The following PJA2 variants were observed in gnomAD, a reference collection of about 807,000 sequenced individuals.
PJA2 encodes E3 ubiquitin-protein ligase Praja-2.
A neutral mutation model predicts 69.3 loss-of-function variants in PJA2; 25 were observed. That is an observed-to-expected ratio of 0.36 (90% CI 0.26 to 0.50). The LOEUF is 0.50. Ranked by LOEUF, PJA2 falls within the 20% of genes least tolerant of loss-of-function variation. The probability of loss-of-function intolerance (pLI) is 0.96; values close to 1 mark genes in which losing one functional copy is unlikely to be tolerated. For synonymous variants in PJA2, 308 were observed against 277.8 expected, an observed-to-expected ratio of 1.11 and a Z score of -1.08; for missense variants, 809 against 830.2, an observed-to-expected ratio of 0.97 and a Z score of 0.31.
Position 109,344,573 on chromosome 5 carries a change from G to C in PJA2, c.1879+132C>G. On this transcript the variant is annotated intron_variant, in intron 8 of 9. Transcript: ENST00000361189. The stretch of plus-strand genomic sequence containing the variant: ...ATTCTTGTACTAGGTGAAAGTTTGT[G>C]AGCATCTGGTTTCTATAAAAAAAAT... 8.9e-6 allele frequency: 6 copies of C among 677,704 alleles called. 1 individual carries two copies. The South Asian group carries it at 1.4e-4, about 15-fold the overall frequency. 42.0% of individuals were successfully genotyped at this position (677,704 alleles called of 1,614,324 possible). A position where few individuals can be genotyped will look rare whatever the true frequency, so the allele number is the denominator to read the frequency against.
In PJA2 at chr5:109,378,803, A is replaced by T. The variant is rs763425702; in HGVS notation, c.684T>A (p.Asp228Glu). ...GTACAGAATCTAACTCTTCAAACTC[A>T]TCTCTTACTTCACAGTTAAATGAGG... ...PVPSFNCEVR[D>E]EFEELDSVPL... The change falls in exon 4 of 10, where the codon GAT becomes GAA. Residue 228 changes from aspartate to glutamate, a missense_variant. Coordinates refer to ENST00000361189, the MANE Select transcript of PJA2 (RefSeq NM_014819.5). 1 of 1,613,146 alleles carries T rather than the reference A, an allele frequency of 6.2e-7. No homozygotes were observed. The highest frequency in any genetic ancestry group is 2.2e-5 in the East Asian group (1 of 44,876).
chr5:109,383,012 T>C (rs1747085736), intron 2 of PJA2, among the ~76,000 whole-genome samples: 1 of 152,232 alleles, frequency 6.6e-6, no homozygotes, highest in Non-Finnish European at 1.5e-5. Context: ...GTTACACTTA[T>C]TTAATCCCAT....
intron 7 of PJA2, among the ~76,000 whole-genome samples, chr5:109,346,600 C>A (rs1762175819): frequency 6.6e-6 from 1 of 152,222 alleles, no homozygotes; most frequent in South Asian, 2.1e-4. Context: ...AATTCTAACA[C>A]ATGCCACGAC....
At chr5:109,362,771 T>A (rs190127455) in intron 6 of PJA2, 69 bp downstream of exon 6, 474 of 1,405,042 alleles carry the variant, frequency 3.4e-4, no homozygotes, top group Middle Eastern at 7.4e-4. Context: ...AGCAGAGATT[T>A]AATTTTCATA....
At position 109,354,141 on chromosome 5, in the gene PJA2, T is replaced by C. The variant is rs1439870917; in HGVS notation, c.1764+1774A>G. Among the ~76,000 whole-genome samples, 39 of 126,114 alleles carry C rather than the reference T, an allele frequency of 3.1e-4. 7 individuals are homozygous for C. The highest frequency in any genetic ancestry group is 1.1e-3 in the African/African-American group (39 of 34,146). 82.7% of individuals were successfully genotyped at this position (126,114 alleles called of 152,430 possible). ...TATCTATGGTATCTAGAGCTGTCTA[T>C]AGATTAGATATCTATGATATCTAGA... On this transcript the variant is annotated intron_variant, in intron 7 of 9. Coordinates refer to ENST00000361189, the MANE Select transcript of PJA2 (RefSeq NM_014819.5).
intron 9 of PJA2, among the ~76,000 whole-genome samples, chr5:109,342,522 T>TA (rs1554052869): frequency 1.9e-5 from 1 of 52,598 alleles, no homozygotes; most frequent in Non-Finnish European, 3.3e-5. Context: ...GGGAGGGAGG[T>TA]GGGGGGGGTC....
chr5:109,398,627 G>C (rs1481653183), intron 1 of PJA2, among the ~76,000 whole-genome samples: 1 of 138,700 alleles, frequency 7.2e-6, no homozygotes, highest in Non-Finnish European at 1.5e-5. Context: ...GGGGCCTGTT[G>C]TGGGGTGGGG....
intron 1 of PJA2, among the ~76,000 whole-genome samples, chr5:109,386,995 G>A (rs532811684): frequency 2.0e-5 from 3 of 152,240 alleles, no homozygotes; most frequent in East Asian, 1.9e-4. Flanking sequence ...TCTTGTACAC[G>A]TCTCAAATAC....
intron 7 of PJA2, among the ~76,000 whole-genome samples, chr5:109,354,660 A>C (rs917339664): frequency 1.4e-5 from 2 of 147,194 alleles, no homozygotes; most frequent in African/African-American, 4.9e-5. Flanking sequence ...TATCTAATAT[A>C]TAATATACAA....
rs1762206704 is a variant in PJA2, at chr5:109,348,654, T to G, written c.1765-3835A>C. On this transcript the variant is annotated intron_variant, in intron 7 of 9. Coordinates refer to ENST00000361189, the MANE Select transcript of PJA2 (RefSeq NM_014819.5). Reference sequence around the variant, plus strand: ...CTGCTTTCATGCCCAACAGTAAAGTTACCAGAACTACAGCAGACAAAAAAA... The same window carrying G: ...CTGCTTTCATGCCCAACAGTAAAGTGACCAGAACTACAGCAGACAAAAAAA... Among the ~76,000 whole-genome samples the G allele has an allele frequency of 2.0e-5, 3 of 152,214 alleles. No homozygotes were observed. The South Asian group carries it at 6.2e-4, about 32-fold the overall frequency.
intron 9 of PJA2, among the ~76,000 whole-genome samples, chr5:109,342,442 G>T (rs867032443): frequency 3.6e-5 from 3 of 84,404 alleles, no homozygotes; most frequent in Non-Finnish European, 7.3e-5. Flanking sequence ...TCGGCCCCCC[G>T]CCCGGCCAGC....
chr5:109,385,213 T>C (rs916069471), intron 1 of PJA2, among the ~76,000 whole-genome samples: 1 of 152,202 alleles, frequency 6.6e-6, no homozygotes, highest in African/African-American at 2.4e-5. Context: ...GGCTACTGTA[T>C]TGAATAGCAT....
At chr5:109,399,600 C>G (rs886518162) in intron 1 of PJA2, among the ~76,000 whole-genome samples, 1 of 152,132 alleles carries the variant, frequency 6.6e-6, no homozygotes, top group Non-Finnish European at 1.5e-5. Context: ...TGAATCAACC[C>G]CACACCACAC....
chr5:109,364,547 C>T (rs889237776), intron 5 of PJA2, among the ~76,000 whole-genome samples: 6 of 148,272 alleles, frequency 4.0e-5, no homozygotes, highest in South Asian at 4.3e-4. Flanking sequence ...GGCGTGAACC[C>T]GGGAGGCGGA....
At chr5:109,394,751 T>C (rs1451271909) in intron 1 of PJA2, among the ~76,000 whole-genome samples, 1 of 152,208 alleles carries the variant, frequency 6.6e-6, no homozygotes, top group Non-Finnish European at 1.5e-5. Context: ...ATCCTTCTTC[T>C]AACCACACAG....
At chr5:109,353,990 G>A (rs1353123421) in intron 7 of PJA2, among the ~76,000 whole-genome samples, 1 of 106,766 alleles carries the variant, frequency 9.4e-6, no homozygotes, top group East Asian at 2.2e-4. Flanking sequence ...AGATTAGATA[G>A]ATATCTAGAG....
rs752706194 is a variant in PJA2, at chr5:109,379,143, C to T, written c.344G>A (p.Ser115Asn). ...ATGTACTGCAACAAAGGATTGACTG[C>T]TCTCAGTGGTTTGATTCAATGCTGA... ...CGSALNQTTE[S>N]SQSFVAVHHS... Residue 115 changes from serine (S) to asparagine (N), a missense_variant, in exon 4 of 10, where the codon AGC (serine) becomes AAC (asparagine). Ser to Asn is a conservative substitution (Grantham distance 46, BLOSUM62 1). Coordinates refer to ENST00000361189, the MANE Select transcript of PJA2 (RefSeq NM_014819.5). 9.9e-6 allele frequency: 16 copies of T among 1,614,032 alleles called. No homozygotes were observed. The highest frequency in any genetic ancestry group is 1.4e-5 in the Non-Finnish European group (16 of 1,180,036).
chr5:109,376,355 C>A (rs1178832227), intron 4 of PJA2, among the ~76,000 whole-genome samples: 7 of 149,430 alleles, frequency 4.7e-5, no homozygotes, highest in Admixed American at 3.3e-4. Flanking sequence ...TAAGAAAATA[C>A]CTTATAACTA....
intron 4 of PJA2, among the ~76,000 whole-genome samples, chr5:109,374,836 T>C (rs184222351): frequency 3.9e-4 from 59 of 152,350 alleles, no homozygotes; most frequent in Non-Finnish European, 6.5e-4. Context: ...GGTTAAGATA[T>C]GCTAGTATTG....
Sources: gnomAD v4.1 joint callset for allele counts (sites outside exome capture counted in the v4.1 genomes callset) on GRCh38, gnomAD v4.1.1 for gene constraint, MANE v1.5 for transcripts, NCBI Gene and HGNC (gene_info 2026-07-23, HGNC 2026-07-21) for gene names.